Variants in DIAPH2 observed in about 807,000 individuals in gnomAD.
DIAPH2 encodes protein diaphanous homolog 2.
A neutral mutation model predicts 92.7 loss-of-function variants in DIAPH2; 35 were observed. The observed-to-expected ratio is 0.38, with a 90% CI of 0.29 to 0.50. The LOEUF is 0.50. DIAPH2 is among the 20% of genes least tolerant of loss of function. DIAPH2 has a pLI of 0.94. For missense variants in DIAPH2, 701 were observed against 819.5 expected (o/e 0.86, Z 1.77); for synonymous variants, 301 against 280.4 (o/e 1.07, Z -0.73).
chrX:96,742,824 G>T (rs1204990785), intron 3 of DIAPH2, among the ~76,000 whole-genome samples: 1 of 110,582 alleles, frequency 9.0e-6, no homozygotes, highest in Non-Finnish European at 1.9e-5. Flanking sequence ...ATGCCACCAT[G>T]CCTGACTTAT....
chrX:97,553,667 TAA>T (rs370885893), intron 26 of DIAPH2, among the ~76,000 whole-genome samples: 39,021 of 86,641 alleles, frequency 0.45, 7,393 homozygotes, highest in Non-Finnish European at 0.56. Flanking sequence ...GTGAGTAGGT[TAA>T]AAAAAAAAAA....
intron 1 of DIAPH2, among the ~76,000 whole-genome samples, chrX:96,728,933 C>T (rs1488929838): frequency 2.7e-5 from 3 of 112,315 alleles, no homozygotes; most frequent in East Asian, 2.8e-4. Context: ...GTTGACAATG[C>T]GCTTGTGACA....
chrX:97,262,612 G>A (rs2068298100), intron 23 of DIAPH2, among the ~76,000 whole-genome samples: 1 of 111,820 alleles, frequency 8.9e-6, no homozygotes. Flanking sequence ...GGAGGTTGTC[G>A]GGGTGATGAA....
chrX:97,108,955 C>T (rs751209533), intron 20 of DIAPH2, among the ~76,000 whole-genome samples: 3 of 111,508 alleles, frequency 2.7e-5, no homozygotes, highest in African/African-American at 9.8e-5. Flanking sequence ...GTAATAACAA[C>T]AAGAACTATT....
At chrX:97,577,295 G>A (rs761801275) in intron 26 of DIAPH2, among the ~76,000 whole-genome samples, 1 of 112,286 alleles carries the variant, frequency 8.9e-6, no homozygotes, top group South Asian at 3.7e-4. Flanking sequence ...ATAAATCCTT[G>A]TAAAAGTTTT....
At chrX:97,115,151 A>G (rs1326444810) in intron 21 of DIAPH2, among the ~76,000 whole-genome samples, 186 bp downstream of exon 21, 3 of 112,293 alleles carry the variant, frequency 2.7e-5, no homozygotes, top group African/African-American at 9.7e-5. Flanking sequence ...AATCTAAAAG[A>G]CTTGAATATT....
At chrX:96,778,504 A>G (rs2064393568) in intron 4 of DIAPH2, among the ~76,000 whole-genome samples, 1 of 110,674 alleles carries the variant, frequency 9.0e-6, no homozygotes, top group Non-Finnish European at 1.9e-5. Flanking sequence ...ACGAACAGGG[A>G]CTTTCTCCTA....
At chrX:96,812,066 T>C (rs1569402132) in intron 4 of DIAPH2, among the ~76,000 whole-genome samples, 1 of 111,931 alleles carries the variant, frequency 8.9e-6, no homozygotes, top group Non-Finnish European at 1.9e-5. Context: ...CCTCTGTTTC[T>C]ATTGATTGGA....
At chrX:97,074,064 G>A (rs1454531715) in intron 18 of DIAPH2, among the ~76,000 whole-genome samples, 1 of 111,711 alleles carries the variant, frequency 9.0e-6, no homozygotes, top group African/African-American at 3.3e-5. Context: ...ATGGCTGAAG[G>A]CATATAGACC....
chrX:97,113,147 A>C (rs752718391), intron 20 of DIAPH2, among the ~76,000 whole-genome samples: 3 of 111,050 alleles, frequency 2.7e-5, no homozygotes, highest in African/African-American at 9.8e-5. Flanking sequence ...ACCTATACAT[A>C]TATTTTTTCA....
At chrX:97,546,131 C>T (rs1481278475) in intron 26 of DIAPH2, among the ~76,000 whole-genome samples, 1 of 110,900 alleles carries the variant, frequency 9.0e-6, no homozygotes, top group South Asian at 3.9e-4. Flanking sequence ...AGGTTTAAAT[C>T]GTGTTTTTCT....
At position 96,933,083 on chromosome X, in the gene DIAPH2, A is replaced by C. The variant is rs1052916576; in HGVS notation, c.1089+2240A>C. Among the ~76,000 whole-genome samples the C allele has an allele frequency of 3.6e-5, 4 of 110,780 alleles. 1 individual carries two copies. In the East Asian group the frequency reaches 8.5e-4, roughly 24 times the overall value. On this transcript the variant is annotated intron_variant, in intron 10 of 26. Coordinates refer to ENST00000324765, the MANE Select transcript of DIAPH2 (RefSeq NM_006729.5). ...GAGAAAGTTTTGGAATAGAACCTAC[A>C]AGGATTCTCATAATTTTTTTTTCCT... is the stretch of plus-strand genomic sequence containing the variant.
intron 26 of DIAPH2, among the ~76,000 whole-genome samples, chrX:97,552,243 T>C (rs2071225028): frequency 1.3e-5 from 1 of 75,089 alleles, no homozygotes; most frequent in Non-Finnish European, 3.0e-5. Context: ...TGTACCATAT[T>C]CCATAGAAAG....
intron 19 of DIAPH2, among the ~76,000 whole-genome samples, chrX:97,081,174 A>G (rs1425101947): frequency 8.9e-6 from 1 of 112,193 alleles, no homozygotes; most frequent in Non-Finnish European, 1.9e-5. Context: ...TGGAATAATT[A>G]TGGCATGCTT....
chrX:97,092,521 C>T (rs762929493), intron 19 of DIAPH2, among the ~76,000 whole-genome samples: 4 of 112,561 alleles, frequency 3.6e-5, no homozygotes, highest in Non-Finnish European at 5.6e-5. Flanking sequence ...ATTATGGATG[C>T]TCCATTTTGA....
chrX:96,965,129 T>C lies in DIAPH2; in HGVS notation c.1972T>C (p.Leu658=). The part of the protein sequence containing the change: ...PTELSENCFW[L]RVKEDKFENP... Reference sequence around the variant, plus strand: ...AGAATTATCTGAGAACTGTTTCTGGTTAAGAGTCAAAGAAGACAAGTTTGA... The same window carrying C: ...AGAATTATCTGAGAACTGTTTCTGGCTAAGAGTCAAAGAAGACAAGTTTGA... The change falls in exon 17 of 27, where the codon TTA becomes CTA. Residue 658 remains leucine, a synonymous_variant. Coordinates refer to ENST00000324765, the MANE Select transcript of DIAPH2 (RefSeq NM_006729.5). 1 of 1,197,395 alleles carries C rather than the reference T, an allele frequency of 8.4e-7. No homozygotes were observed. The highest frequency in any genetic ancestry group is 1.1e-6 in the Non-Finnish European group (1 of 888,068).
At chrX:97,154,300 T>G (rs1283497275) in intron 22 of DIAPH2, among the ~76,000 whole-genome samples, 1 of 111,662 alleles carries the variant, frequency 9.0e-6, no homozygotes, top group Non-Finnish European at 1.9e-5. Context: ...ATATTTTTTC[T>G]ACTTCCGTGT....
chrX:97,471,940 C>T (rs1162587059), intron 26 of DIAPH2, among the ~76,000 whole-genome samples: 2 of 111,032 alleles, frequency 1.8e-5, no homozygotes, highest in Non-Finnish European at 3.8e-5. Context: ...AGAATCTGAA[C>T]ACCAGTTTGT....
chrX:96,859,081 A>C (rs2065056895), intron 4 of DIAPH2, among the ~76,000 whole-genome samples: 1 of 111,766 alleles, frequency 8.9e-6, no homozygotes, highest in Admixed American at 9.6e-5. Context: ...AAATTTATTA[A>C]AATTTTAAAT....
Sources: allele counts gnomAD v4.1 joint callset (sites outside exome capture counted in the v4.1 genomes callset), GRCh38; gene constraint gnomAD v4.1.1; transcripts MANE v1.5; gene names NCBI Gene and HGNC (gene_info 2026-07-23, HGNC 2026-07-21).